CALN1: variants seen among roughly 807,000 people sequenced by gnomAD.
CALN1 encodes calneuron 1, also known as calcium-binding protein 8.
In CALN1, 17 loss-of-function variants were observed where a neutral mutation model predicts 30.6. That is an observed-to-expected ratio of 0.56 (90% CI 0.38 to 0.83). CALN1 has a LOEUF of 0.83. Among genes scored for constraint, CALN1 ranks in the 40% least tolerant of loss-of-function variants. The pLI is 0.00. For synonymous variants in CALN1, 156 were observed against 131.4 expected, an observed-to-expected ratio of 1.19 and a Z score of -1.28; for missense variants, 291 against 354.9, an observed-to-expected ratio of 0.82 and a Z score of 1.45.
intron 2 of CALN1, chr7:72,337,016 G>T: frequency 2.0e-6 from 2 of 985,572 alleles, no homozygotes; most frequent in South Asian, 4.7e-5. Flanking sequence ...GTCTGGGGAC[G>T]TGTGCCCCGC....
At chr7:71,914,982 C>G (rs1043458289) in intron 5 of CALN1, among the ~76,000 whole-genome samples, 1 of 152,170 alleles carries the variant, frequency 6.6e-6, no homozygotes, top group Admixed American at 6.5e-5. Context: ...GGTTTTAACT[C>G]TTACTGAAGG....
At chr7:71,908,517 G>C (rs1235777808) in intron 5 of CALN1, among the ~76,000 whole-genome samples, 2 of 152,082 alleles carry the variant, frequency 1.3e-5, no homozygotes, top group Non-Finnish European at 2.9e-5. Flanking sequence ...GGGAATAGAA[G>C]ATAAAAATTC....
chr7:72,331,974 G>A (rs977451382), intron 2 of CALN1, among the ~76,000 whole-genome samples: 8 of 152,060 alleles, frequency 5.3e-5, no homozygotes, highest in Non-Finnish European at 8.8e-5. Context: ...CAGTTCCTGC[G>A]TTTGCCAAGG....
Position 72,238,723 on chromosome 7 carries a change from G to A in CALN1, c.244+39963C>T, listed in dbSNP as rs147995770. Among the ~76,000 whole-genome samples, 133 of 152,200 alleles carry A rather than the reference G, an allele frequency of 8.7e-4. No homozygotes were observed. The Middle Eastern group carries it at 0.01, about 12-fold the overall frequency. On this transcript the variant is annotated intron_variant, in intron 3 of 6. Transcript: ENST00000395275. ...CTGCACCTCTATTTGCTGCCGCCAC[G>A]TGAAGAAGGGCATGTTTGCTTCCCC...
chr7:72,143,240 G>A (rs1240092776), intron 3 of CALN1, among the ~76,000 whole-genome samples: 3 of 152,060 alleles, frequency 2.0e-5, no homozygotes, highest in South Asian at 2.1e-4. Context: ...AAGATGAGAC[G>A]AATGGCTTAC....
intron 5 of CALN1, among the ~76,000 whole-genome samples, chr7:71,850,627 G>T (rs1790583621): frequency 6.6e-6 from 1 of 152,212 alleles, no homozygotes; most frequent in Non-Finnish European, 1.5e-5. Context: ...TAGGGGGGAG[G>T]TTATAGATTC....
At chr7:72,108,417 C>A (rs1317192669) in intron 3 of CALN1, among the ~76,000 whole-genome samples, 1 of 152,220 alleles carries the variant, frequency 6.6e-6, no homozygotes, top group African/African-American at 2.4e-5. Flanking sequence ...ACTATTGCAT[C>A]CAGTGCTTCT....
intron 3 of CALN1, among the ~76,000 whole-genome samples, chr7:72,205,181 T>G (rs562517937): frequency 1.3e-5 from 2 of 152,098 alleles, no homozygotes; most frequent in Non-Finnish European, 1.5e-5. Context: ...TTTCCTCAGT[T>G]TTTTTGTTTT....
rs529123906 is a variant in CALN1, at chr7:72,015,573, G to A, written c.501+8084C>T. On this transcript the variant is annotated intron_variant, in intron 5 of 6. Coordinates refer to ENST00000395275, the MANE Select transcript of CALN1 (RefSeq NM_031468.4). Reference sequence around the variant, plus strand: ...CCTCACCTCAGCCTCCAGAATAACTGGGACTACAGGCATGTGCCACCACGC... The same window carrying A: ...CCTCACCTCAGCCTCCAGAATAACTAGGACTACAGGCATGTGCCACCACGC... Among the ~76,000 whole-genome samples the A allele has an allele frequency of 3.9e-5, 6 of 152,070 alleles. No homozygotes were observed. The South Asian group carries it at 1.0e-3, about 26-fold the overall frequency.
intron 5 of CALN1, among the ~76,000 whole-genome samples, chr7:71,991,549 A>T (rs1451382336): frequency 1.3e-5 from 2 of 152,208 alleles, no homozygotes; most frequent in Non-Finnish European, 2.9e-5. Flanking sequence ...ATAAAGATGA[A>T]CCATTCTGAC....
chr7:71,808,359 A>C (rs1223090354), intron 6 of CALN1, among the ~76,000 whole-genome samples: 1 of 151,576 alleles, frequency 6.6e-6, no homozygotes, highest in Non-Finnish European at 1.5e-5. Flanking sequence ...TTATGGTAAT[A>C]ATTATTAATA....
At chr7:72,167,025 C>T (rs1451885884) in intron 3 of CALN1, among the ~76,000 whole-genome samples, 1 of 151,858 alleles carries the variant, frequency 6.6e-6, no homozygotes, top group Non-Finnish European at 1.5e-5. Flanking sequence ...CAGAGCAAGA[C>T]CCTGTCTCAA....
intron 3 of CALN1, among the ~76,000 whole-genome samples, chr7:72,109,491 T>TCC (rs1340332056): frequency 6.6e-6 from 1 of 152,188 alleles, no homozygotes; most frequent in Non-Finnish European, 1.5e-5. Context: ...CCCCTTTCTT[T>TCC]CCATCAATGG....
intron 5 of CALN1, among the ~76,000 whole-genome samples, chr7:72,008,738 C>T (rs1193777731): frequency 1.3e-5 from 2 of 151,470 alleles, no homozygotes; most frequent in African/African-American, 2.4e-5. Flanking sequence ...TCACTGCAAC[C>T]TCCGCCTCCC....
At chr7:72,292,032 C>A (rs1798516514) in intron 2 of CALN1, among the ~76,000 whole-genome samples, 1 of 151,670 alleles carries the variant, frequency 6.6e-6, no homozygotes, top group Admixed American at 6.6e-5. Context: ...CAACATATGA[C>A]TTTTGGGGAA....
At chr7:71,858,625 T>C (rs530457565) in intron 5 of CALN1, among the ~76,000 whole-genome samples, 2 of 152,210 alleles carry the variant, frequency 1.3e-5, no homozygotes, top group African/African-American at 4.8e-5. Context: ...GACAAATATA[T>C]ATCTGATTGC....
chr7:72,117,440 T>C (rs375315481), intron 3 of CALN1, among the ~76,000 whole-genome samples: 1 of 152,190 alleles, frequency 6.6e-6, no homozygotes, highest in Non-Finnish European at 1.5e-5. Flanking sequence ...CTTAAGACAC[T>C]GTTTGGTCAG....
chr7:72,366,614 GT>G (rs756138970), intron 2 of CALN1, among the ~76,000 whole-genome samples: 7 of 152,170 alleles, frequency 4.6e-5, no homozygotes, highest in African/African-American at 1.7e-4. Flanking sequence ...CTAATATGTA[GT>G]TTTTTAGCCC....
At chr7:71,982,943 C>T (rs955218993) in intron 5 of CALN1, among the ~76,000 whole-genome samples, 9 of 152,142 alleles carry the variant, frequency 5.9e-5, no homozygotes, top group African/African-American at 2.2e-4. Flanking sequence ...TTGCCAACCA[C>T]GTGTGCAGTA....
Sources: gnomAD v4.1 joint callset for allele counts (sites outside exome capture counted in the v4.1 genomes callset) on GRCh38, gnomAD v4.1.1 for gene constraint, MANE v1.5 for transcripts, NCBI Gene and HGNC (gene_info 2026-07-23, HGNC 2026-07-21) for gene names.